CCDC7: variants seen among roughly 807,000 people sequenced by gnomAD.
CCDC7 encodes coiled-coil domain-containing protein 7.
A neutral mutation model predicts 196.9 loss-of-function variants in CCDC7; 183 were observed. That is an observed-to-expected ratio of 0.93 (90% confidence interval 0.82 to 1.05). The LOEUF (loss-of-function observed/expected upper bound fraction) is 1.05. Among genes scored for constraint, CCDC7 ranks in the 50% least tolerant of loss-of-function variants. The pLI is 0.00. For missense variants in CCDC7, 1,540 were observed against 1,482.2 expected (o/e 1.04, Z -0.64); for synonymous variants, 525 against 484.6 (o/e 1.08, Z -1.10).
At chr10:32,798,441 C>T (rs534191601) in intron 29 of CCDC7, among the ~76,000 whole-genome samples, 1 of 152,198 alleles carries the variant, frequency 6.6e-6, no homozygotes, top group African/African-American at 2.4e-5. Context: ...AGGAAAGAGG[C>T]TGAGTGGTGT....
chr10:32,674,764 T>G (rs893738083), intron 21 of CCDC7, among the ~76,000 whole-genome samples: 1 of 152,130 alleles, frequency 6.6e-6, no homozygotes, highest in Non-Finnish European at 1.5e-5. Context: ...TTATCATTGT[T>G]ATATACATAT....
chr10:32,703,573 T>G (rs1286559066), intron 24 of CCDC7, among the ~76,000 whole-genome samples: 1 of 152,094 alleles, frequency 6.6e-6, no homozygotes, highest in Non-Finnish European at 1.5e-5. Context: ...CCTTGCTAGA[T>G]TGGGGAAGTT....
chr10:32,510,421 GTGTTT>G (rs2045927629), intron 9 of CCDC7, among the ~76,000 whole-genome samples: 1 of 152,126 alleles, frequency 6.6e-6, no homozygotes, highest in African/African-American at 2.4e-5. Context: ...AAGAGGGTAG[GTGTTT>G]TGTTAATTTT....
chr10:32,531,558 A>G (rs1163433148), intron 11 of CCDC7, among the ~76,000 whole-genome samples: 2 of 152,102 alleles, frequency 1.3e-5, no homozygotes, highest in African/African-American at 2.4e-5. Context: ...TATCAAGGTA[A>G]TGCTGGCCTT....
chr10:32,697,696 C>T (rs905080304), intron 24 of CCDC7, among the ~76,000 whole-genome samples: 9 of 152,156 alleles, frequency 5.9e-5, no homozygotes, highest in Non-Finnish European at 1.2e-4. Flanking sequence ...TGGAGCCCAC[C>T]GCAGCTCAAC....
At chr10:32,723,964 C>T (rs1399892199) in intron 25 of CCDC7, among the ~76,000 whole-genome samples, 1 of 151,996 alleles carries the variant, frequency 6.6e-6, no homozygotes, top group Non-Finnish European at 1.5e-5. Context: ...CCATTGCCTC[C>T]GAGATTGTAT....
intron 8 of CCDC7, among the ~76,000 whole-genome samples, chr10:32,474,641 T>A (rs752284984): frequency 6.6e-6 from 1 of 152,162 alleles, no homozygotes; most frequent in Non-Finnish European, 1.5e-5. Context: ...GGTGTGGCAG[T>A]GATAAATTTA....
intron 18 of CCDC7, among the ~76,000 whole-genome samples, chr10:32,606,125 C>T (rs1239399993): frequency 6.6e-6 from 1 of 152,212 alleles, no homozygotes; most frequent in African/African-American, 2.4e-5. Flanking sequence ...GTGCAAAGGG[C>T]CCCAGATACA....
rs192855097 is a variant in CCDC7 at position 32,482,545 on chromosome 10, C to T, written c.796+8522C>T. ...TAAGTTTTAGGGTACATGTGCACAA[C>T]GTGCAGGTTAGTTACATATGTATAC... is the stretch of plus-strand genomic sequence containing the variant. On this transcript the variant is annotated intron_variant, in intron 8 of 41. Transcript: ENST00000639629. 2.1e-4 allele frequency among the ~76,000 whole-genome samples: 32 copies of T among 152,054 alleles called. No homozygotes were observed. In the East Asian group the frequency reaches 5.0e-3, roughly 24 times the overall value.
In CCDC7 at chr10:32,577,063, T is replaced by C. The variant is rs559087144; in HGVS notation, c.1454+5170T>C. On this transcript the variant is annotated intron_variant, in intron 16 of 41. Coordinates refer to ENST00000639629, the Ensembl canonical transcript of CCDC7. Reference sequence around the variant, plus strand: ...GGGCAAATGTTACCTCAGAAAAGCATGTGTAAAGAGTTCTGTTGGCCAAGT... The same window carrying C: ...GGGCAAATGTTACCTCAGAAAAGCACGTGTAAAGAGTTCTGTTGGCCAAGT... Among the ~76,000 whole-genome samples, 219 of 152,238 alleles carry C rather than the reference T, an allele frequency of 1.4e-3. 1 individual carries two copies. The highest frequency in any genetic ancestry group is 5.0e-3 in the African/African-American group (208 of 41,542).
chr10:32,736,505 G>A (rs1346052644), intron 28 of CCDC7, among the ~76,000 whole-genome samples: 1 of 151,788 alleles, frequency 6.6e-6, no homozygotes, highest in Non-Finnish European at 1.5e-5. Flanking sequence ...TCGTCATCTA[G>A]CATTAGGTAT....
intron 20 of CCDC7, among the ~76,000 whole-genome samples, chr10:32,656,477 G>C (rs2069893719): frequency 1.3e-5 from 2 of 152,174 alleles, no homozygotes; most frequent in Admixed American, 1.3e-4. Flanking sequence ...ATGGCAGAAG[G>C]GGAAGCAAAC....
intron 8 of CCDC7, among the ~76,000 whole-genome samples, chr10:32,486,456 G>T (rs191755316): frequency 2.0e-5 from 3 of 151,048 alleles, no homozygotes; most frequent in Admixed American, 6.6e-5. Flanking sequence ...TATCCAATTT[G>T]CCAGTCTGTG....
At chr10:32,610,355 C>T (rs952932852) in intron 18 of CCDC7, among the ~76,000 whole-genome samples, 11 of 152,106 alleles carry the variant, frequency 7.2e-5, no homozygotes, top group African/African-American at 1.7e-4. Context: ...CTGCCTGCCT[C>T]GGCCTCCCAA....
At chr10:32,809,175 C>T (rs1019190122) in intron 30 of CCDC7, among the ~76,000 whole-genome samples, 5 of 151,928 alleles carry the variant, frequency 3.3e-5, no homozygotes, top group East Asian at 1.9e-4. Context: ...CATGAAAAAG[C>T]GAGGAAATGT....
rs200853278 is a variant in CCDC7 at position 32,461,691 on chromosome 10, A to ATG, written c.457-974_457-973dup. ...AATTTAAATTTTATTCCTTACATAT[A>ATG]TGTGTGTGTGTGTGTGTGTATATAT... On this transcript the variant is annotated intron_variant, in intron 3 of 41. Transcript: ENST00000639629. Among the ~76,000 whole-genome samples the ATG allele has an allele frequency of 3.5e-3, 369 of 106,126 alleles. 27 individuals carry two copies. Among genetic ancestry groups the ATG allele is most frequent in the Non-Finnish European group, 4.5e-3 (233 of 51,350 alleles). The allele number at this position is 106,126 out of a possible 152,430, so 69.6% of individuals were successfully genotyped here.
At chr10:32,604,534 T>C (rs2061380493) in intron 18 of CCDC7, among the ~76,000 whole-genome samples, 1 of 152,162 alleles carries the variant, frequency 6.6e-6, no homozygotes, top group African/African-American at 2.4e-5. Context: ...ATTTTTACAA[T>C]ATTAATTCTT....
chr10:32,841,439 G>A (rs181234099), intron 33 of CCDC7, among the ~76,000 whole-genome samples: 119 of 151,954 alleles, frequency 7.8e-4, no homozygotes, highest in Non-Finnish European at 1.2e-3. Context: ...AAAAAAGGTA[G>A]GAATATACTT....
chr10:32,856,647 G>A (rs1347820887), intron 41 of CCDC7, among the ~76,000 whole-genome samples: 1 of 152,126 alleles, frequency 6.6e-6, no homozygotes, highest in East Asian at 1.9e-4. Context: ...CTGCGCCACT[G>A]CTGTGTCCCA....
Sources: allele counts gnomAD v4.1 joint callset (sites outside exome capture counted in the v4.1 genomes callset), GRCh38; gene constraint gnomAD v4.1.1; transcripts MANE v1.5; gene names NCBI Gene and HGNC (gene_info 2026-07-23, HGNC 2026-07-21).